The following GATAD2B variants were observed in gnomAD, a reference collection of about 807,000 sequenced individuals.
GATAD2B encodes transcriptional repressor p66-beta.
In GATAD2B, 8 loss-of-function variants were observed where a neutral mutation model predicts 64.3. The observed-to-expected ratio is 0.12, with a 90% CI of 0.07 to 0.22. GATAD2B has a LOEUF of 0.22. Among genes scored for constraint, GATAD2B ranks in the 10% least tolerant of loss-of-function variants. The probability of loss-of-function intolerance (pLI) is 1.00; values close to 1 mark genes in which losing one functional copy is unlikely to be tolerated. For synonymous variants in GATAD2B, 281 were observed against 271.3 expected, an observed-to-expected ratio of 1.04 and a Z score of -0.35; for missense variants, 453 against 752.0, an observed-to-expected ratio of 0.60 and a Z score of 4.65.
chr1:153,905,203 G>A (rs983331982), intron 1 of GATAD2B, among the ~76,000 whole-genome samples: 3 of 151,914 alleles, frequency 2.0e-5, no homozygotes, highest in African/African-American at 4.8e-5. Context: ...GTGAAACTCC[G>A]TCTCTAATAA....
At chr1:153,818,307 AG>A in intron 4 of GATAD2B, 136 bp from the exon 5 acceptor site, 1 of 619,598 alleles carries the variant, frequency 1.6e-6, no homozygotes, top group Non-Finnish European at 2.6e-6. Flanking sequence ...AAGGGAGTCA[AG>A]GTTTTCTTTT....
chr1:153,890,363 C>T (rs1486702670), intron 1 of GATAD2B, among the ~76,000 whole-genome samples: 1 of 150,804 alleles, frequency 6.6e-6, no homozygotes, highest in Non-Finnish European at 1.5e-5. Context: ...TGGCACGCAC[C>T]TGTAGTCCCA....
intron 1 of GATAD2B, among the ~76,000 whole-genome samples, chr1:153,868,909 T>G (rs1676566052): frequency 1.3e-5 from 2 of 152,042 alleles, no homozygotes; most frequent in Admixed American, 1.3e-4. Flanking sequence ...TAGTTTCGTA[T>G]TTTTAGTAGA....
intron 7 of GATAD2B, among the ~76,000 whole-genome samples, chr1:153,815,383 G>C (rs1156461872): frequency 6.7e-6 from 1 of 150,258 alleles, no homozygotes; most frequent in Non-Finnish European, 1.5e-5. Context: ...ACAAAATACA[G>C]TCAGTCCTCA....
At position 153,897,173 on chromosome 1, in the gene GATAD2B, G is replaced by A. The variant is rs980519703; in HGVS notation, c.-2+25560C>T. Among the ~76,000 whole-genome samples, 36 of 152,034 alleles carry A rather than the reference G, an allele frequency of 2.4e-4. 1 individual carries two copies. Among genetic ancestry groups the A allele is most frequent in the African/African-American group, 8.4e-4 (35 of 41,470 alleles). On this transcript the variant is annotated intron_variant, in intron 1 of 10. Coordinates refer to ENST00000368655, the MANE Select transcript of GATAD2B (RefSeq NM_020699.4). The stretch of plus-strand genomic sequence containing the variant: ...GCCTCCCGAGTAGCTGGGATTACAG[G>A]TGCCCGCCACCTCACCCAGCTAATT...
chr1:153,867,705 TA>T (rs1006981537), intron 1 of GATAD2B, among the ~76,000 whole-genome samples: 1 of 150,782 alleles, frequency 6.6e-6, no homozygotes, highest in African/African-American at 2.4e-5. Flanking sequence ...ACTAAAAATA[TA>T]AATACAAGCC....
At chr1:153,844,421 TAAAA>T (rs764420139) in intron 1 of GATAD2B, among the ~76,000 whole-genome samples, 1 of 80,280 alleles carries the variant, frequency 1.2e-5, no homozygotes, top group Non-Finnish European at 2.7e-5. Context: ...TAACAAATTA[TAAAA>T]AAAAAAAAAA....
intron 1 of GATAD2B, among the ~76,000 whole-genome samples, chr1:153,871,391 G>C (rs764169945): frequency 6.6e-6 from 1 of 151,516 alleles, no homozygotes; most frequent in Non-Finnish European, 1.5e-5. Context: ...TTTTAGTAGA[G>C]ATGGGGTTTG....
chr1:153,841,399 A>G (rs1268100617), intron 1 of GATAD2B, among the ~76,000 whole-genome samples: 4 of 152,292 alleles, frequency 2.6e-5, no homozygotes, highest in African/African-American at 7.2e-5. Flanking sequence ...CATCACCTCA[A>G]GGAGCCCTCG....
intron 10 of GATAD2B, 168 bp downstream of exon 10, chr1:153,811,563 C>T: frequency 4.3e-6 from 3 of 693,952 alleles, no homozygotes. Flanking sequence ...GTGGGTGGCA[C>T]TTAATATGAA....
At chr1:153,919,871 G>A (rs1347200435) in intron 1 of GATAD2B, among the ~76,000 whole-genome samples, 3 of 152,192 alleles carry the variant, frequency 2.0e-5, no homozygotes, top group Non-Finnish European at 4.4e-5. Flanking sequence ...TAATAATGCA[G>A]GGCTTTAAGT....
At chr1:153,834,682 G>A (rs899501266) in intron 1 of GATAD2B, among the ~76,000 whole-genome samples, 2 of 152,170 alleles carry the variant, frequency 1.3e-5, no homozygotes, top group Non-Finnish European at 2.9e-5. Flanking sequence ...GAGCCACCAC[G>A]CCCGGCCTAA....
chr1:153,898,218 G>A (rs2101957250), intron 1 of GATAD2B, among the ~76,000 whole-genome samples: 1 of 147,218 alleles, frequency 6.8e-6, no homozygotes, highest in South Asian at 2.2e-4. Context: ...AGGAGAGAGA[G>A]GATTGCTAGA....
chr1:153,812,163 G>T, intron 8 of GATAD2B, 31 bp from the exon 9 acceptor site: 2 of 1,180,030 alleles, frequency 1.7e-6, no homozygotes, highest in Non-Finnish European at 2.5e-6. Context: ...AGGTGATTGA[G>T]CAGGACAGCA....
chr1:153,821,903 T>C (rs1465752845), intron 2 of GATAD2B, among the ~76,000 whole-genome samples: 1 of 151,930 alleles, frequency 6.6e-6, no homozygotes, highest in Non-Finnish European at 1.5e-5. Context: ...TTCTCATTTC[T>C]ATATTCCTTT....
rs1674547155 is a variant in GATAD2B at position 153,818,121 on chromosome 1, A to G, written c.648T>C (p.His216=). Residue 216 remains histidine, a synonymous_variant, in exon 5 of 11, where the codon CAT becomes CAC. Coordinates refer to ENST00000368655, the MANE Select transcript of GATAD2B (RefSeq NM_020699.4). ...GCTTAGATAGGCCCTGCTGTCCCAC[A>G]TGGGCAGGAGATGGCTGAACAATAG... ...AASIVQPSPA[H]VGQQGLSKLP... The G allele has an allele frequency of 1.9e-6, 3 of 1,612,912 alleles. No homozygotes were observed. The highest frequency in any genetic ancestry group is 2.2e-5 in the South Asian group (2 of 91,022).
intron 1 of GATAD2B, among the ~76,000 whole-genome samples, chr1:153,865,892 G>A (rs554976652): frequency 6.6e-6 from 1 of 152,224 alleles, no homozygotes; most frequent in African/African-American, 2.4e-5. Flanking sequence ...GGAAGCTGAG[G>A]TGGGTAGATC....
chr1:153,922,142 C>G (rs1678462121), intron 1 of GATAD2B: 1 of 152,116 alleles, frequency 6.6e-6, no homozygotes, highest in African/African-American at 2.4e-5. Flanking sequence ...AGGTTATGCG[C>G]TCCTGATCCC....
chr1:153,883,967 G>A (rs902233714), intron 1 of GATAD2B, among the ~76,000 whole-genome samples: 5 of 151,892 alleles, frequency 3.3e-5, no homozygotes, highest in Non-Finnish European at 5.9e-5. Flanking sequence ...CAAAACCAAA[G>A]TACTTAATTG....
Sources: allele counts gnomAD v4.1 joint callset (sites outside exome capture counted in the v4.1 genomes callset), GRCh38; gene constraint gnomAD v4.1.1; transcripts MANE v1.5; gene names NCBI Gene and HGNC (gene_info 2026-07-23, HGNC 2026-07-21).